The following HROB variants were observed in gnomAD, a reference collection of about 807,000 sequenced individuals.
HROB encodes homologous recombination factor with OB-fold, also known as homologous recombination OB-fold protein.
Under a neutral mutation model 61.0 loss-of-function variants are expected in HROB, and 44 were observed. That is an observed-to-expected ratio of 0.72 (90% CI 0.57 to 0.93). The LOEUF (loss-of-function observed/expected upper bound fraction) is 0.93. Among genes scored for constraint, HROB ranks in the 40% least tolerant of loss-of-function variants. The pLI, the probability that HROB is intolerant of heterozygous loss-of-function variation, is 0.00. For synonymous variants in HROB, 301 were observed against 310.4 expected (o/e 0.97, Z 0.32); for missense variants, 716 against 796.2 (o/e 0.90, Z 1.21).
At chr17:44,150,586 T>TC (rs1364029131) in intron 3 of HROB, among the ~76,000 whole-genome samples, 1 of 151,958 alleles carries the variant, frequency 6.6e-6, no homozygotes, top group African/African-American at 2.4e-5. Flanking sequence ...GATGGGGGTT[T>TC]CTCCATGTTG....
chr17:44,148,254 G>C lies in HROB; in HGVS notation c.451G>C (p.Glu151Gln), dbSNP rs754200311. 5 of 1,614,098 alleles carry C rather than the reference G, an allele frequency of 3.1e-6. No individual in the cohort carries two copies. Among genetic ancestry groups the C allele is most frequent in the Non-Finnish European group, 3.4e-6 (4 of 1,180,046 alleles). Reference protein sequence around the residue: ...ESQQQQVGGFEGPEQDEFDKV... With the variant: ...ESQQQQVGGFQGPEQDEFDKV... ...CCAACAGCAGCAAGTTGGTGGCTTT[G>C]AGGGGCCTGAACAAGACGAATTTGA... The change falls in exon 3 of 10, where the codon GAG becomes CAG. Residue 151 changes from glutamate (E) to glutamine (Q), a missense_variant. Transcript: ENST00000585683.
intron 1 of HROB, among the ~76,000 whole-genome samples, chr17:44,144,204 G>A (rs1052646014): frequency 6.6e-6 from 1 of 150,562 alleles, no homozygotes; most frequent in Non-Finnish European, 1.5e-5. Flanking sequence ...GCAGTGGTGC[G>A]ATCTCGGCTC....
intron 9 of HROB, among the ~76,000 whole-genome samples, chr17:44,161,563 T>C (rs539173260): frequency 6.6e-6 from 1 of 152,278 alleles, no homozygotes; most frequent in South Asian, 2.1e-4. Flanking sequence ...TCTGAAGCCT[T>C]CTTGTTTGGC....
chr17:44,148,409 A>G lies in HROB; in HGVS notation c.606A>G (p.Val202=). The G allele has an allele frequency of 6.2e-7, 1 of 1,614,074 alleles. No individual in the cohort carries two copies. The highest frequency in any genetic ancestry group is 8.5e-7 in the Non-Finnish European group (1 of 1,179,986). The part of the protein sequence containing the change: ...EGSVLAKKAR[V]VDLSGSCQKG... ...CAGTATTGGCTAAAAAAGCCCGGGTAGTTGATCTGAGTGGATCTTGCCAGA... is the reference window on the plus strand; with the variant it reads ...CAGTATTGGCTAAAAAAGCCCGGGTGGTTGATCTGAGTGGATCTTGCCAGA... Residue 202 remains valine (V), a synonymous_variant, in exon 3 of 10, where the codon GTA becomes GTG. Transcript: ENST00000585683.
At chr17:44,149,105 C>A in intron 3 of HROB, 78 bp downstream of exon 3, 1 of 1,373,358 alleles carries the variant, frequency 7.3e-7, no homozygotes, top group South Asian at 1.3e-5. Flanking sequence ...CCTAGCATAT[C>A]TTCCCTCTTG....
intron 2 of HROB, among the ~76,000 whole-genome samples, chr17:44,146,018 A>T (rs558769317): frequency 6.6e-6 from 1 of 151,750 alleles, no homozygotes; most frequent in East Asian, 1.9e-4. Flanking sequence ...GATGCTCTCC[A>T]CCTCCCTGCC....
At position 44,154,561 on chromosome 17, in the gene HROB, C is replaced by A. The variant is rs1567720493; in HGVS notation, c.1455C>A (p.Ala485=). 1 of 1,614,068 alleles carries A rather than the reference C, an allele frequency of 6.2e-7. No individual in the cohort carries two copies. The highest frequency in any genetic ancestry group is 8.5e-7 in the Non-Finnish European group (1 of 1,180,014). ...ATGCCTCTCCTTGTAAGCAGGCAGC[C>A]CTGAAGCAGCTTCCTAGGAACAAGG... The part of the protein sequence containing the change: ...YSIVMVLRKA[A]LKQLPRNKVP... The change falls in exon 6 of 10, where the codon GCC becomes GCA. Residue 485 remains alanine, a synonymous_variant. Coordinates refer to ENST00000585683, the MANE Select transcript of HROB (RefSeq NM_001171251.3).
chr17:44,144,190 G>C (rs1345758921), intron 1 of HROB, among the ~76,000 whole-genome samples: 1 of 151,764 alleles, frequency 6.6e-6, no homozygotes, highest in Non-Finnish European at 1.5e-5. Flanking sequence ...GCCCAGGCTG[G>C]TGTGCAGTGG....
intron 5 of HROB, 195 bp from the exon 6 acceptor site, chr17:44,154,361 G>A (rs2144032930): frequency 1.8e-6 from 1 of 565,192 alleles, no homozygotes; most frequent in African/African-American, 1.9e-5. Flanking sequence ...CGGAGGCAGG[G>A]GAGAGAAATG....
chr17:44,157,410 T>C (rs60049110), intron 8 of HROB, among the ~76,000 whole-genome samples: 1,712 of 125,154 alleles, frequency 0.014, 20 homozygotes, highest in African/African-American at 0.048. Context: ...TGTTTCTTTT[T>C]TTTTTTTTTT....
rs1453551640 is a variant in HROB at position 44,162,037 on chromosome 17, C to T, written c.*105C>T. The T allele has an allele frequency of 6.0e-6, 8 of 1,322,422 alleles. No homozygotes were observed. Among genetic ancestry groups the T allele is most frequent in the African/African-American group, 2.9e-5 (2 of 68,190 alleles). 81.9% of individuals were successfully genotyped at this position (1,322,422 alleles called of 1,614,324 possible). On this transcript the variant is annotated 3_prime_UTR_variant, in exon 10 of 10. Coordinates refer to ENST00000585683, the MANE Select transcript of HROB (RefSeq NM_001171251.3). ...GGCCAGCATGATTGGAGAGTGGACA[C>T]AGCCGGGGGGCTTCTGTGGTTGCTC...
intron 8 of HROB, among the ~76,000 whole-genome samples, chr17:44,157,118 C>T (rs753941628): frequency 5.3e-5 from 8 of 152,098 alleles, no homozygotes; most frequent in Non-Finnish European, 7.3e-5. Flanking sequence ...GTTTTAATTA[C>T]CTGCCCATAT....
intron 1 of HROB, among the ~76,000 whole-genome samples, chr17:44,142,396 C>A (rs1005865812): frequency 1.3e-5 from 2 of 152,134 alleles, no homozygotes; most frequent in African/African-American, 4.8e-5. Flanking sequence ...GGAAACCCCC[C>A]TTTCCAGTGC....
chr17:44,151,629 T>A (rs556209913), intron 4 of HROB, among the ~76,000 whole-genome samples: 10 of 152,246 alleles, frequency 6.6e-5, no homozygotes, highest in Non-Finnish European at 1.3e-4. Flanking sequence ...GAAGGTTAAT[T>A]GTTAAAGCTA....
intron 1 of HROB, among the ~76,000 whole-genome samples, chr17:44,143,089 A>G (rs1343566979): frequency 6.6e-6 from 1 of 152,114 alleles, no homozygotes; most frequent in Non-Finnish European, 1.5e-5. Context: ...GGCGGGCACC[A>G]CCACCCCAGC....
chr17:44,154,642 T>A lies in HROB; in HGVS notation c.1536T>A (p.Ser512Arg). 1 of 1,614,104 alleles carries A rather than the reference T, an allele frequency of 6.2e-7. No individual in the cohort carries two copies. The highest frequency in any genetic ancestry group is 1.1e-5 in the South Asian group (1 of 91,074). Residue 512 changes from serine (S) to arginine (R), a missense_variant, in exon 6 of 10, where the codon AGT (serine) becomes AGA (arginine). By Grantham distance (110) the Ser-to-Arg change is moderately radical (BLOSUM62 -1). Coordinates refer to ENST00000585683, the MANE Select transcript of HROB (RefSeq NM_001171251.3). ...KSLTRSTMDASVVFKDPTGEM... is the reference protein window; with the variant it reads ...KSLTRSTMDARVVFKDPTGEM... Reference sequence around the variant, plus strand: ...TGACTCGGAGCACAATGGACGCCAGTGTGGTTTTCAAGGACCCCACGGGTA... The same window carrying A: ...TGACTCGGAGCACAATGGACGCCAGAGTGGTTTTCAAGGACCCCACGGGTA...
chr17:44,142,297 G>A, intron 1 of HROB, 152 bp downstream of exon 1: 3 of 1,080,198 alleles, frequency 2.8e-6, no homozygotes, highest in Non-Finnish European at 3.8e-6. Flanking sequence ...GCTGTCGTCA[G>A]GGCTTGTCAT....
intron 4 of HROB, among the ~76,000 whole-genome samples, chr17:44,151,696 C>G (rs1020960643): frequency 1.3e-5 from 2 of 151,976 alleles, no homozygotes; most frequent in African/African-American, 4.8e-5. Flanking sequence ...CTCTGGAAGC[C>G]TATAAATATA....
intron 1 of HROB, among the ~76,000 whole-genome samples, chr17:44,143,169 C>G (rs892443371): frequency 6.6e-6 from 1 of 152,044 alleles, no homozygotes; most frequent in African/African-American, 2.4e-5. Flanking sequence ...AACTCCTGGC[C>G]TCAGGTGGTC....
Sources: gnomAD v4.1 joint callset for allele counts (sites outside exome capture counted in the v4.1 genomes callset) on GRCh38, gnomAD v4.1.1 for gene constraint, MANE v1.5 for transcripts, NCBI Gene and HGNC (gene_info 2026-07-23, HGNC 2026-07-21) for gene names.